Variants in ADCK1 observed in about 807,000 individuals in gnomAD.
ADCK1 encodes the protein aarF domain containing kinase 1.
In ADCK1, 41 loss-of-function variants were observed where a neutral mutation model predicts 52.3. The observed-to-expected ratio is 0.78, with a 90% confidence interval of 0.61 to 1.02. ADCK1 has a LOEUF of 1.02. Ranked by LOEUF, ADCK1 falls within the 50% of genes least tolerant of loss-of-function variation. The pLI, the probability that ADCK1 is intolerant of heterozygous loss-of-function variation, is 0.00. For synonymous variants in ADCK1, 250 were observed against 274.6 expected, an observed-to-expected ratio of 0.91 and a Z score of 0.89; for missense variants, 658 against 679.5, an observed-to-expected ratio of 0.97 and a Z score of 0.35.
intron 3 of ADCK1, chr14:77,827,882 G>A (rs1259904897): frequency 2.4e-6 from 1 of 408,954 alleles, no homozygotes; most frequent in East Asian, 8.6e-5. Flanking sequence ...AGGCTGGAGT[G>A]CATTGGCGTG....
chr14:77,842,447 TTTTCC>T (rs1243304114), intron 3 of ADCK1, among the ~76,000 whole-genome samples: 3 of 68,946 alleles, frequency 4.4e-5, no homozygotes, highest in African/African-American at 1.4e-4. Flanking sequence ...GGGTATTTTT[TTTTCC>T]TTCCTTCCTT....
At chr14:77,887,340 G>A in intron 5 of ADCK1, 91 bp downstream of exon 5, 31 of 1,388,908 alleles carry the variant, frequency 2.2e-5, no homozygotes, top group Non-Finnish European at 2.8e-5. Context: ...AAGCTGGTGA[G>A]TGGAGTGTGG....
chr14:77,805,252 CTTTTT>C (rs777184096), intron 1 of ADCK1, among the ~76,000 whole-genome samples: 3 of 62,312 alleles, frequency 4.8e-5, no homozygotes, highest in Non-Finnish European at 6.3e-5. Flanking sequence ...GCTTTGCATT[CTTTTT>C]TTTTTTTTTT....
intron 5 of ADCK1, among the ~76,000 whole-genome samples, chr14:77,896,260 A>G (rs1346225666): frequency 6.6e-6 from 1 of 152,230 alleles, no homozygotes; most frequent in Non-Finnish European, 1.5e-5. Flanking sequence ...GTGACCATAC[A>G]ATAAATGATG....
chr14:77,934,787 C>T lies in ADCK1; in HGVS notation c.*1396C>T, dbSNP rs973338068. On this transcript the variant is annotated 3_prime_UTR_variant, in exon 11 of 11. Coordinates refer to ENST00000238561, the MANE Select transcript of ADCK1 (RefSeq NM_020421.4). ...GAATTTGAGCCTAATTTTCTGTACTCTTTATTCATAGTACAGCAAGCAGAT... is the reference window on the plus strand; with the variant it reads ...GAATTTGAGCCTAATTTTCTGTACTTTTTATTCATAGTACAGCAAGCAGAT... 2.6e-5 allele frequency: 4 copies of T among 152,160 alleles called. No homozygotes were observed. Among genetic ancestry groups the T allele is most frequent in the African/African-American group, 9.7e-5 (4 of 41,440 alleles). The allele number at this position is 152,160 out of a possible 1,614,324, so 9.4% of individuals were successfully genotyped here.
chr14:77,899,299 G>C, intron 6 of ADCK1, 41 bp downstream of exon 6: 1 of 1,610,768 alleles, frequency 6.2e-7, no homozygotes, highest in Non-Finnish European at 8.5e-7. Flanking sequence ...TGGTCTGGTG[G>C]AAGAGTGTAG....
chr14:77,913,397 C>G (rs2083841533), intron 7 of ADCK1, among the ~76,000 whole-genome samples: 1 of 152,210 alleles, frequency 6.6e-6, no homozygotes, highest in Non-Finnish European at 1.5e-5. Flanking sequence ...GCCTCGGGAG[C>G]CAGCAGCCTG....
intron 1 of ADCK1, among the ~76,000 whole-genome samples, chr14:77,807,162 G>A (rs2081245593): frequency 7.8e-6 from 1 of 128,172 alleles, no homozygotes; most frequent in Admixed American, 9.5e-5. Context: ...TCCGCCTCCC[G>A]GGTCCACGCC....
chr14:77,898,728 G>A (rs1358209348), intron 5 of ADCK1, among the ~76,000 whole-genome samples: 1 of 152,128 alleles, frequency 6.6e-6, no homozygotes, highest in Non-Finnish European at 1.5e-5. Context: ...GATAGGTGCA[G>A]TAAACCACCA....
In ADCK1 at chr14:77,896,378, G is replaced by C. The variant is rs139451454; in HGVS notation, c.583-2722G>C. Among the ~76,000 whole-genome samples, 3 of 152,332 alleles carry C rather than the reference G, an allele frequency of 2.0e-5. No homozygotes were observed. The East Asian group carries it at 5.8e-4, about 29-fold the overall frequency. On this transcript the variant is annotated intron_variant, in intron 5 of 10. Coordinates refer to ENST00000238561, the MANE Select transcript of ADCK1 (RefSeq NM_020421.4). ...CTGGCCTATGGTAATTACCTGGAGGGTAATCAGTAAATATTGATTGGACAA... is the reference window on the plus strand; with the variant it reads ...CTGGCCTATGGTAATTACCTGGAGGCTAATCAGTAAATATTGATTGGACAA...
At position 77,931,647 on chromosome 14, in the gene ADCK1, G is replaced by T. The variant is rs2084341109; in HGVS notation, c.1336G>T (p.Gly446Cys). ...GCTGCGTGGCATTGAGGCCGCCCTG[G>T]GCACCCGCGCCAGCGCCAGCTCCTT... Reference protein sequence around the residue: ...DLLRGIEAALGTRASASSFLN... With the variant: ...DLLRGIEAALCTRASASSFLN... Residue 446 changes from glycine to cysteine, a missense_variant, in exon 10 of 11, where the codon GGC (glycine) becomes TGC (cysteine). By Grantham distance (159) the Gly-to-Cys change is radical. Transcript: ENST00000238561. The T allele has an allele frequency of 1.2e-6, 2 of 1,611,498 alleles. No individual in the cohort carries two copies. The highest frequency in any genetic ancestry group is 1.3e-5 in the African/African-American group (1 of 74,930).
chr14:77,835,828 G>T (rs1242771661), intron 3 of ADCK1, among the ~76,000 whole-genome samples: 1 of 152,122 alleles, frequency 6.6e-6, no homozygotes, highest in Non-Finnish European at 1.5e-5. Flanking sequence ...TAGAGACAAG[G>T]TTTCGCCATG....
rs1272579028 is a variant in ADCK1, at chr14:77,830,544, C to T, written c.219+8026C>T. ...CTGGGTACAAGTGATCCTCCCACCT[C>T]GGCCTCCTAAACTGCTGGGATTACA... On this transcript the variant is annotated intron_variant, in intron 3 of 10. Transcript: ENST00000238561. 4.0e-5 allele frequency among the ~76,000 whole-genome samples: 6 copies of T among 151,048 alleles called. 1 individual carries two copies. The highest frequency in any genetic ancestry group is 8.9e-5 in the Non-Finnish European group (6 of 67,536).
intron 3 of ADCK1, among the ~76,000 whole-genome samples, chr14:77,840,933 G>GAGGA (rs1441339715): frequency 2.8e-3 from 279 of 98,570 alleles, no homozygotes; most frequent in East Asian, 6.4e-3. Flanking sequence ...GGGAGGGAGG[G>GAGGA]AGGAAGGAAG....
chr14:77,820,339 T>C (rs1594873089), intron 2 of ADCK1, among the ~76,000 whole-genome samples: 2 of 151,882 alleles, frequency 1.3e-5, no homozygotes, highest in South Asian at 4.1e-4. Context: ...TTTTAAATCT[T>C]TATTTTTTTG....
chr14:77,810,267 A>G (rs1200286767), intron 1 of ADCK1, among the ~76,000 whole-genome samples: 1 of 151,782 alleles, frequency 6.6e-6, no homozygotes, highest in African/African-American at 2.4e-5. Flanking sequence ...GGGACACACC[A>G]CCATGCCCAG....
intron 3 of ADCK1, among the ~76,000 whole-genome samples, chr14:77,847,234 G>A (rs1349321476): frequency 2.0e-5 from 3 of 152,104 alleles, no homozygotes; most frequent in Admixed American, 6.6e-5. Context: ...AGATGAAGCC[G>A]CAGGACAGCT....
intron 3 of ADCK1, among the ~76,000 whole-genome samples, chr14:77,839,833 C>T (rs906856522): frequency 2.7e-5 from 4 of 146,002 alleles, no homozygotes; most frequent in South Asian, 2.2e-4. Flanking sequence ...GCAGGAGAAT[C>T]GCTTGAACCC....
chr14:77,825,966 C>T (rs765899897), intron 3 of ADCK1, among the ~76,000 whole-genome samples: 6 of 152,142 alleles, frequency 3.9e-5, no homozygotes, highest in African/African-American at 9.7e-5. Context: ...CTCTGCTTTA[C>T]GGAATCTGCA....
Sources: allele counts gnomAD v4.1 joint callset (sites outside exome capture counted in the v4.1 genomes callset), GRCh38; gene constraint gnomAD v4.1.1; transcripts MANE v1.5; gene names NCBI Gene and HGNC (gene_info 2026-07-23, HGNC 2026-07-21).